The following BICD2 variants were observed in gnomAD, a reference collection of about 807,000 sequenced individuals.
BICD2 encodes protein bicaudal D homolog 2.
In BICD2, 25 loss-of-function variants were observed where a neutral mutation model predicts 72.9. The observed-to-expected ratio is 0.34, with a 90% CI of 0.25 to 0.48. The LOEUF (loss-of-function observed/expected upper bound fraction) is 0.48, where lower values mean the gene tolerates loss of function less well. BICD2 is among the 20% of genes least tolerant of loss of function. BICD2 has a pLI of 0.99. For synonymous variants in BICD2, 501 were observed against 516.1 expected (o/e 0.97, Z 0.40); for missense variants, 894 against 1,175.2 (o/e 0.76, Z 3.50).
chr9:92,759,607 T>G lies in BICD2; in HGVS notation c.240+4898A>C, dbSNP rs765775361. Among the ~76,000 whole-genome samples, 4 of 152,260 alleles carry G rather than the reference T, an allele frequency of 2.6e-5. 1 individual carries two copies. In the South Asian group the frequency reaches 8.3e-4, roughly 32 times the overall value. On this transcript the variant is annotated intron_variant, in intron 1 of 6. Transcript: ENST00000356884. Reference sequence around the variant, plus strand: ...CAAGGAGGCAGCTAGGCAGCCACATTGGGCCCTCTCCTGCTCCAGAGTTCG... The same window carrying G: ...CAAGGAGGCAGCTAGGCAGCCACATGGGGCCCTCTCCTGCTCCAGAGTTCG...
Position 92,712,800 on chromosome 9 carries a change from C to T in BICD2, c.*2354G>A, listed in dbSNP as rs1341219215. ...ATGAAAAACCCCAGAATCTGAATAC[C>T]CTGGATTTCTTAATGAACATGGCAT... On this transcript the variant is annotated 3_prime_UTR_variant, in exon 7 of 7. Coordinates refer to ENST00000356884, the MANE Select transcript of BICD2 (RefSeq NM_001003800.2). The T allele has an allele frequency of 6.6e-6, 1 of 152,232 alleles. No individual in the cohort carries two copies. The highest frequency in any genetic ancestry group is 1.5e-5 in the Non-Finnish European group (1 of 68,020). The allele number at this position is 152,232 out of a possible 1,614,324, so 9.4% of individuals were successfully genotyped here.
intron 2 of BICD2, among the ~76,000 whole-genome samples, chr9:92,724,996 TC>T (rs1853537357): frequency 6.6e-6 from 1 of 151,934 alleles, no homozygotes; most frequent in Admixed American, 6.5e-5. Context: ...TCCCACCAAC[TC>T]TCCCAGGCCT....
chr9:92,732,265 G>A (rs1205043969), intron 1 of BICD2, among the ~76,000 whole-genome samples: 1 of 151,894 alleles, frequency 6.6e-6, no homozygotes, highest in Non-Finnish European at 1.5e-5. Context: ...ATGAAACACA[G>A]AGAAAAAAAG....
chr9:92,736,586 G>A (rs1264188141), intron 1 of BICD2, among the ~76,000 whole-genome samples: 5 of 152,224 alleles, frequency 3.3e-5, no homozygotes, highest in South Asian at 4.1e-4. Context: ...TCACTGTTCT[G>A]CCTATGGAGT....
In BICD2 at chr9:92,714,968, GGAGT is replaced by G. The variant is rs1399678424; in HGVS notation, c.*182_*185del. The G allele has an allele frequency of 7.1e-7, 1 of 1,401,008 alleles. No individual in the cohort carries two copies. The highest frequency in any genetic ancestry group is 9.2e-7 in the Non-Finnish European group (1 of 1,081,116). The allele number at this position is 1,401,008 out of a possible 1,614,324, so 86.8% of individuals were successfully genotyped here. A position where few individuals can be genotyped will look rare whatever the true frequency, so the allele number is the denominator to read the frequency against. On this transcript the variant is annotated 3_prime_UTR_variant, in exon 7 of 7. Transcript: ENST00000356884. ...CTGGGTGCTCCTGAGGGGGCTTTGA[GGAGT>G]GAGAAGCGACACAAAGCTCTCACAA...
intron 2 of BICD2, among the ~76,000 whole-genome samples, chr9:92,724,264 C>T (rs919820357): frequency 1.3e-5 from 2 of 152,206 alleles, no homozygotes; most frequent in African/African-American, 4.8e-5. Context: ...GTGCACTCAT[C>T]TGAATGGAAC....
At chr9:92,719,652 G>A in intron 4 of BICD2, 70 bp from the exon 5 acceptor site, 1 of 1,464,660 alleles carries the variant, frequency 6.8e-7, no homozygotes, top group African/African-American at 1.4e-5. Context: ...GGACCCCCAA[G>A]ATGGCCTAGT....
At chr9:92,736,448 A>G (rs981676800) in intron 1 of BICD2, among the ~76,000 whole-genome samples, 20 of 152,198 alleles carry the variant, frequency 1.3e-4, no homozygotes, top group African/African-American at 4.1e-4. Context: ...ACATGGTCTA[A>G]AAAATGGGAG....
At chr9:92,730,261 A>C (rs1232457615) in intron 1 of BICD2, among the ~76,000 whole-genome samples, 1 of 152,222 alleles carries the variant, frequency 6.6e-6, no homozygotes, top group Non-Finnish European at 1.5e-5. Flanking sequence ...TCATGGCAGA[A>C]AACAAGATCA....
Position 92,721,677 on chromosome 9 carries a change from G to A in BICD2, c.607-922C>T, listed in dbSNP as rs555703271. Among the ~76,000 whole-genome samples, 7 of 152,338 alleles carry A rather than the reference G, an allele frequency of 4.6e-5. No individual in the cohort carries two copies. The East Asian group carries it at 1.2e-3, about 25-fold the overall frequency. ...CCCTCAGTCCCAGCACCACAAATGC[G>A]GAGGTGAGGAATCCCAGAGAGGGAG... On this transcript the variant is annotated intron_variant, in intron 3 of 6. Transcript: ENST00000356884.
Position 92,733,536 on chromosome 9 carries a change from A to T in BICD2, c.241-4300T>A, listed in dbSNP as rs1158092605. ...CTGGACGACAGAGGAAAAAAAAAAAAGTTTTTCAACAAATGATGCTGGGGC... is the reference window on the plus strand; with the variant it reads ...CTGGACGACAGAGGAAAAAAAAAAATGTTTTTCAACAAATGATGCTGGGGC... On this transcript the variant is annotated intron_variant, in intron 1 of 6. Coordinates refer to ENST00000356884, the MANE Select transcript of BICD2 (RefSeq NM_001003800.2). Among the ~76,000 whole-genome samples, 3 of 152,028 alleles carry T rather than the reference A, an allele frequency of 2.0e-5. No homozygotes were observed. In the East Asian group the frequency reaches 5.8e-4, roughly 29 times the overall value.
intron 1 of BICD2, among the ~76,000 whole-genome samples, chr9:92,752,613 T>C (rs1854173333): frequency 6.6e-6 from 1 of 151,724 alleles, no homozygotes; most frequent in African/African-American, 2.4e-5. Context: ...ACTAAAAAAA[T>C]CAAAAAATTA....
At chr9:92,724,078 C>T (rs1286413666) in intron 2 of BICD2, among the ~76,000 whole-genome samples, 9 of 152,168 alleles carry the variant, frequency 5.9e-5, no homozygotes, top group Non-Finnish European at 1.3e-4. Context: ...CTCTGCTGAC[C>T]CAGCTGCCTC....
chr9:92,726,223 G>T (rs371550214), intron 2 of BICD2, among the ~76,000 whole-genome samples: 2 of 152,320 alleles, frequency 1.3e-5, no homozygotes, highest in South Asian at 2.1e-4. Context: ...TCACCAGAAG[G>T]ACCAGGTCTG....
chr9:92,739,362 CCAGA>C (rs1194216189), intron 1 of BICD2, among the ~76,000 whole-genome samples: 2 of 152,184 alleles, frequency 1.3e-5, no homozygotes, highest in Admixed American at 6.5e-5. Context: ...GGCCTGTAGC[CCAGA>C]CAGTCAGCTG....
intron 1 of BICD2, among the ~76,000 whole-genome samples, chr9:92,733,695 C>T (rs1404543817): frequency 1.3e-5 from 2 of 151,986 alleles, no homozygotes; most frequent in African/African-American, 2.4e-5. Context: ...AGGCTGGGTG[C>T]GGTGGCTCAT....
intron 1 of BICD2, among the ~76,000 whole-genome samples, chr9:92,732,303 A>G (rs1245490709): frequency 1.3e-5 from 2 of 152,262 alleles, no homozygotes; most frequent in African/African-American, 4.8e-5. Flanking sequence ...AGACTCAAAC[A>G]GAGCATTGGT....
intron 1 of BICD2, among the ~76,000 whole-genome samples, chr9:92,758,850 G>A (rs564039978): frequency 8.3e-4 from 123 of 148,686 alleles, no homozygotes; most frequent in African/African-American, 2.8e-3. Context: ...GCGAAACTCC[G>A]TCTCAAAAAA....
chr9:92,755,943 C>T (rs1159766360), intron 1 of BICD2, among the ~76,000 whole-genome samples: 1 of 152,216 alleles, frequency 6.6e-6, no homozygotes, highest in Non-Finnish European at 1.5e-5. Flanking sequence ...GAAACTGAGG[C>T]CCAGAGAGGG....
Sources: allele counts gnomAD v4.1 joint callset (sites outside exome capture counted in the v4.1 genomes callset), GRCh38; gene constraint gnomAD v4.1.1; transcripts MANE v1.5; gene names NCBI Gene and HGNC (gene_info 2026-07-23, HGNC 2026-07-21).